GNPTAB: variants seen among roughly 807,000 people sequenced by gnomAD.
The protein encoded by GNPTAB is N-acetylglucosamine-1-phosphotransferase subunits alpha/beta.
GNPTAB carries 92 observed loss-of-function variants against 136.6 expected under a neutral mutation model. The ratio of observed to expected loss-of-function variants is 0.67; its 90% CI spans 0.57 to 0.80. GNPTAB has a LOEUF of 0.80. GNPTAB is among the 30% of genes least tolerant of loss of function. The pLI is 0.00. For synonymous variants in GNPTAB, 512 were observed against 535.1 expected (o/e 0.96, Z 0.60); for missense variants, 1,343 against 1,501.8 (o/e 0.89, Z 1.75).
rs1871347989 is a variant in GNPTAB, at chr12:101,830,950, A to AGGCGGCTGC, written c.-284_-276dup. 1 of 148,856 alleles carries AGGCGGCTGC rather than the reference A, an allele frequency of 6.7e-6. No individual in the cohort carries two copies. Among genetic ancestry groups the AGGCGGCTGC allele is most frequent in the Non-Finnish European group, 1.5e-5 (1 of 66,984 alleles). 9.2% of individuals were successfully genotyped at this position (148,856 alleles called of 1,614,324 possible). On this transcript the variant is annotated 5_prime_UTR_variant, in exon 1 of 21. Transcript: ENST00000299314. ...CGCCGCCCGGGTCTGGCCGGGCGAGAGGCGGCTGCGGCGGCGGCGGGGTCT... is the reference window on the plus strand; with the variant it reads ...CGCCGCCCGGGTCTGGCCGGGCGAGAGGCGGCTGCGGCGGCTGCGGCGGCGGCGGGGTCT...
At chr12:101,758,134 G>A (rs1952930546) in intron 16 of GNPTAB, among the ~76,000 whole-genome samples, 1 of 151,610 alleles carries the variant, frequency 6.6e-6, no homozygotes. Flanking sequence ...CACCTCTCGG[G>A]TTCAAGTGAT....
intron 13 of GNPTAB, among the ~76,000 whole-genome samples, chr12:101,762,589 AG>A (rs1953016280): frequency 6.6e-6 from 1 of 152,384 alleles, no homozygotes; most frequent in African/African-American, 2.4e-5. Context: ...GCCATTAAAA[AG>A]AATAATGGCA....
At position 101,770,019 on chromosome 12, in the gene GNPTAB, A is replaced by G; in HGVS notation, c.1284+2T>C. The G allele has an allele frequency of 6.2e-7, 1 of 1,613,692 alleles. No individual in the cohort carries two copies. Among genetic ancestry groups the G allele is most frequent in the Non-Finnish European group, 8.5e-7 (1 of 1,179,848 alleles). On this transcript the variant is annotated splice_donor_variant, in intron 10 of 20. Coordinates refer to ENST00000299314, the MANE Select transcript of GNPTAB (RefSeq NM_024312.5). LOFTEE classifies it high-confidence loss of function. ...ACAACCCCCCTCCTCTTAGGCACTC[A>G]CCTTCTGGCCTTTGGAGTGACTGTA... is the stretch of plus-strand genomic sequence containing the variant.
rs567017504 is a variant in GNPTAB at position 101,772,680 on chromosome 12, G to C, written c.772-1523C>G. 2.6e-5 allele frequency among the ~76,000 whole-genome samples: 4 copies of C among 152,276 alleles called. No homozygotes were observed. The South Asian group carries it at 8.3e-4, about 32-fold the overall frequency. On this transcript the variant is annotated intron_variant, in intron 7 of 20. Transcript: ENST00000299314. ...TGCTGGGAGGCAGGCCACACAGGGG[G>C]ATTAGTAGTCTGCCTGGGTCCCTGT...
At chr12:101,824,432 A>ATATATATATATATATATTT (rs1188582277) in intron 1 of GNPTAB, among the ~76,000 whole-genome samples, 1 of 50,876 alleles carries the variant, frequency 2.0e-5, no homozygotes, top group African/African-American at 8.5e-5. Context: ...ATATATATAT[A>ATATATATATATATATATTT]TTTTCTTTTT....
At chr12:101,756,437 C>T in intron 18 of GNPTAB, 1 of 382,636 alleles carries the variant, frequency 2.6e-6, no homozygotes, top group Non-Finnish European at 5.1e-6. Context: ...TAGCTGGGTG[C>T]AGCAGCTCAT....
intron 11 of GNPTAB, among the ~76,000 whole-genome samples, chr12:101,767,434 A>C (rs1953109890): frequency 6.6e-6 from 1 of 152,206 alleles, no homozygotes; most frequent in Non-Finnish European, 1.5e-5. Flanking sequence ...GAAAGCTACC[A>C]GCAGTGAGCT....
chr12:101,804,025 A>C (rs1463405678), intron 1 of GNPTAB, among the ~76,000 whole-genome samples: 1 of 152,034 alleles, frequency 6.6e-6, no homozygotes, highest in African/African-American at 2.4e-5. Context: ...TGAGCCTGGA[A>C]GTTCAAGACC....
chr12:101,782,439 T>A (rs1254825204), intron 5 of GNPTAB, among the ~76,000 whole-genome samples: 1 of 152,186 alleles, frequency 6.6e-6, no homozygotes, highest in East Asian at 1.9e-4. Context: ...AAAAAGGTGA[T>A]GATGTTCTCT....
At chr12:101,790,328 T>C (rs1485762184) in intron 2 of GNPTAB, among the ~76,000 whole-genome samples, 1 of 152,190 alleles carries the variant, frequency 6.6e-6, no homozygotes, top group African/African-American at 2.4e-5. Flanking sequence ...AAGGCTAATA[T>C]TAGATTTAAA....
chr12:101,826,957 T>TTG (rs1201714460), intron 1 of GNPTAB, among the ~76,000 whole-genome samples: 44 of 133,008 alleles, frequency 3.3e-4, no homozygotes, highest in Non-Finnish European at 6.1e-4. Context: ...GTTGTTTTTT[T>TTG]TTTTTTTTTT....
At chr12:101,812,886 T>C (rs1453474134) in intron 1 of GNPTAB, among the ~76,000 whole-genome samples, 1 of 152,118 alleles carries the variant, frequency 6.6e-6, no homozygotes, top group African/African-American at 2.4e-5. Context: ...CTTACTGCAG[T>C]GTCAACCTCC....
chr12:101,820,101 C>T (rs991938206), intron 1 of GNPTAB, among the ~76,000 whole-genome samples: 1 of 152,194 alleles, frequency 6.6e-6, no homozygotes, highest in Non-Finnish European at 1.5e-5. Context: ...ATTAGCTGAA[C>T]GCCTAGGACC....
chr12:101,757,680 C>G (rs747159405), intron 16 of GNPTAB, 23 bp from the exon 17 acceptor site: 70 of 1,147,022 alleles, frequency 6.1e-5, no homozygotes, highest in Admixed American at 1.7e-4. Context: ...ATAAGTAGAT[C>G]AGATATCACA....
At chr12:101,790,891 T>C (rs917237576) in intron 2 of GNPTAB, among the ~76,000 whole-genome samples, 2 of 151,848 alleles carry the variant, frequency 1.3e-5, no homozygotes, top group African/African-American at 4.8e-5. Context: ...CTTTTTTTTT[T>C]CACAGCACTT....
chr12:101,805,756 T>C (rs937669364), intron 1 of GNPTAB, among the ~76,000 whole-genome samples: 3 of 152,176 alleles, frequency 2.0e-5, no homozygotes, highest in Admixed American at 2.0e-4. Context: ...TGAGGAGCAA[T>C]TGGCAGTGTG....
intron 1 of GNPTAB, among the ~76,000 whole-genome samples, chr12:101,800,357 A>G (rs559119981): frequency 4.6e-5 from 7 of 152,210 alleles, no homozygotes; most frequent in Non-Finnish European, 1.0e-4. Flanking sequence ...TAATTAAAAA[A>G]AAATTATGGT....
chr12:101,755,438 G>A (rs1462089130), intron 18 of GNPTAB, among the ~76,000 whole-genome samples: 2 of 152,120 alleles, frequency 1.3e-5, no homozygotes, highest in Non-Finnish European at 2.9e-5. Flanking sequence ...GTGTATCTTG[G>A]ATTAAAAACA....
intron 7 of GNPTAB, chr12:101,773,368 C>A: frequency 3.3e-6 from 1 of 304,128 alleles, no homozygotes; most frequent in Non-Finnish European, 6.5e-6. Context: ...TGCTCGGATC[C>A]TGCTTATACA....
Sources: gnomAD v4.1 joint callset for allele counts (sites outside exome capture counted in the v4.1 genomes callset) on GRCh38, gnomAD v4.1.1 for gene constraint, MANE v1.5 for transcripts, NCBI Gene and HGNC (gene_info 2026-07-23, HGNC 2026-07-21) for gene names.